Variants in H1-4 observed in about 807,000 individuals in gnomAD.
H1-4 encodes the protein H1.4 linker histone, cluster member.
A neutral mutation model predicts 7.2 loss-of-function variants in H1-4; 9 were observed. The ratio of observed to expected loss-of-function variants is 1.25; its 90% CI spans 0.75 to 2.18. The LOEUF is 2.18. H1-4 is among the 30% of genes most tolerant of loss of function. The pLI is 0.00. For synonymous variants in H1-4, 318 were observed against 126.6 expected (o/e 2.51, Z -10.15); for missense variants, 646 against 287.9 (o/e 2.24, Z -9.00).
In H1-4 at chr6:26,156,601, T is replaced by A. The variant is rs541347553; in HGVS notation, c.211T>A (p.Tyr71Asn). 1 of 1,614,048 alleles carries A rather than the reference T, an allele frequency of 6.2e-7. No individual in the cohort carries two copies. The highest frequency in any genetic ancestry group is 1.3e-5 in the African/African-American group (1 of 74,936). ...CAAGAAAGCGCTGGCAGCCGCTGGC[T>A]ATGACGTGGAGAAGAACAACAGCCG... ...ALKKALAAAG[Y>N]DVEKNNSRIK... The change falls in exon 1 of 1, where the codon TAT becomes AAT. Residue 71 changes from tyrosine to asparagine, a missense_variant. By Grantham distance (143) the Tyr-to-Asn change is moderately radical (BLOSUM62 -2). Coordinates refer to ENST00000304218, the MANE Select transcript of H1-4 (RefSeq NM_005321.3).
rs1764210078 is a variant in H1-4 at position 26,157,071 on chromosome 6, C to CT, written c.*23dup. 5 of 1,572,420 alleles carry CT rather than the reference C, an allele frequency of 3.2e-6. No individual in the cohort carries two copies. In the East Asian group the frequency reaches 6.7e-5, roughly 21 times the overall value. On this transcript the variant is annotated 3_prime_UTR_variant, in exon 1 of 1. Coordinates refer to ENST00000304218, the MANE Select transcript of H1-4 (RefSeq NM_005321.3). ...AGTAGAAAGTTCCTTTGGCCAACTG[C>CT]TTAGAAGCCCAACACAACCCAAAGG... is the stretch of plus-strand genomic sequence containing the variant.
rs771718049 is a variant in H1-4, at chr6:26,156,412, G to C, written c.22G>C (p.Ala8Pro). 2 of 1,589,022 alleles carry C rather than the reference G, an allele frequency of 1.3e-6. No individual in the cohort carries two copies. Among genetic ancestry groups the C allele is most frequent in the Non-Finnish European group, 8.6e-7 (1 of 1,167,276 alleles). ...CAACATGTCCGAGACTGCGCCTGCC[G>C]CGCCCGCTGCTCCGGCCCCTGCCGA... The part of the protein sequence containing the change: MSETAPA[A>P]PAAPAPAEKT... The change falls in exon 1 of 1, where the codon GCG becomes CCG. Residue 8 changes from alanine (A) to proline (P), a missense_variant. Physicochemically the swap from Ala to Pro is conservative, Grantham distance 27. Transcript: ENST00000304218.
chr6:26,156,938 A>C lies in H1-4; in HGVS notation c.548A>C (p.Lys183Thr), dbSNP rs577879962. The C allele has an allele frequency of 3.7e-6, 6 of 1,612,410 alleles. No individual in the cohort carries two copies. Among genetic ancestry groups the C allele is most frequent in the South Asian group, 2.2e-5 (2 of 91,032 alleles). The change falls in exon 1 of 1, where the codon AAG becomes ACG. Residue 183 changes from lysine (K) to threonine (T), a missense_variant. Transcript: ENST00000304218. ...AAGGCGAAAGCAGCCAAGCCAAAAA[A>C]GGCGCCCAAGAGCCCAGCGAAGGCC... ...PKKAKAAKPK[K>T]APKSPAKAKA... is the part of the protein sequence containing the mutation.
Position 26,156,951 on chromosome 6 carries a change from C to T in H1-4, c.561C>T (p.Ser187=), listed in dbSNP as rs563391037. 14 of 1,612,476 alleles carry T rather than the reference C, an allele frequency of 8.7e-6. No homozygotes were observed. The highest frequency in any genetic ancestry group is 1.1e-5 in the South Asian group (1 of 91,030). Residue 187 remains serine, a synonymous_variant, in exon 1 of 1, where the codon AGC becomes AGT. Coordinates refer to ENST00000304218, the MANE Select transcript of H1-4 (RefSeq NM_005321.3). ...CCAAGCCAAAAAAGGCGCCCAAGAG[C>T]CCAGCGAAGGCCAAAGCAGTTAAAC... ...KAAKPKKAPK[S]PAKAKAVKPK...
chr6:26,156,833 A>C lies in H1-4; in HGVS notation c.443A>C (p.Lys148Thr). The C allele has an allele frequency of 6.2e-7, 1 of 1,606,830 alleles. No individual in the cohort carries two copies. The highest frequency in any genetic ancestry group is 2.2e-5 in the East Asian group (1 of 44,604). Residue 148 changes from lysine to threonine, a missense_variant, in exon 1 of 1, where the codon AAG (lysine) becomes ACG (threonine). Lys to Thr is a moderately conservative substitution (Grantham distance 78). Coordinates refer to ENST00000304218, the MANE Select transcript of H1-4 (RefSeq NM_005321.3). ...PKKATGAATP[K>T]KSAKKTPKKA... ...AAGGCGACGGGGGCGGCCACCCCCA[A>C]GAAGAGCGCCAAGAAGACCCCAAAG...
In H1-4 at chr6:26,156,696, G is replaced by C. The variant is rs1764185082; in HGVS notation, c.306G>C (p.Ser102=). The change falls in exon 1 of 1, where the codon TCG becomes TCC. Residue 102 remains serine, a synonymous_variant. Transcript: ENST00000304218. ...TLVQTKGTGA[S]GSFKLNKKAA... ...TGCAGACCAAGGGCACCGGCGCGTCGGGTTCCTTCAAACTCAACAAGAAGG... is the reference window on the plus strand; with the variant it reads ...TGCAGACCAAGGGCACCGGCGCGTCCGGTTCCTTCAAACTCAACAAGAAGG... The C allele has an allele frequency of 6.2e-7, 1 of 1,614,072 alleles. No individual in the cohort carries two copies.
chr6:26,156,403 G>A lies in H1-4; in HGVS notation c.13G>A (p.Ala5Thr). Residue 5 changes from alanine (A) to threonine (T), a missense_variant, in exon 1 of 1, where the codon GCG becomes ACG. By Grantham distance (58) the Ala-to-Thr change is moderately conservative (BLOSUM62 0). Transcript: ENST00000304218. MSET[A>T]PAAPAAPAPA... ...GCTTGCCTTCAACATGTCCGAGACTGCGCCTGCCGCGCCCGCTGCTCCGGC... is the reference window on the plus strand; with the variant it reads ...GCTTGCCTTCAACATGTCCGAGACTACGCCTGCCGCGCCCGCTGCTCCGGC... The A allele has an allele frequency of 6.3e-7, 1 of 1,585,302 alleles. No homozygotes were observed. Among genetic ancestry groups the A allele is most frequent in the Non-Finnish European group, 8.6e-7 (1 of 1,165,820 alleles).
chr6:26,157,081 CA>C lies in H1-4; in HGVS notation c.*33del. 1 of 1,565,570 alleles carries C rather than the reference CA, an allele frequency of 6.4e-7. No individual in the cohort carries two copies. On this transcript the variant is annotated 3_prime_UTR_variant, in exon 1 of 1. Coordinates refer to ENST00000304218, the MANE Select transcript of H1-4 (RefSeq NM_005321.3). Reference sequence around the variant, plus strand: ...TCCTTTGGCCAACTGCTTAGAAGCCCAACACAACCCAAAGGCTCTTTTCAGA... The same window carrying C: ...TCCTTTGGCCAACTGCTTAGAAGCCCACACAACCCAAAGGCTCTTTTCAGA...
Position 26,156,784 on chromosome 6 carries a change from G to T in H1-4, c.394G>T (p.Ala132Ser). The change falls in exon 1 of 1, where the codon GCA becomes TCA. Residue 132 changes from alanine (A) to serine (S), a missense_variant. Coordinates refer to ENST00000304218, the MANE Select transcript of H1-4 (RefSeq NM_005321.3). The part of the protein sequence containing the change: ...KAGAAKAKKP[A>S]GAAKKPKKAT... ...AGGCGCGGCCAAGGCCAAGAAGCCAGCAGGAGCGGCGAAGAAGCCCAAGAA... is the reference window on the plus strand; with the variant it reads ...AGGCGCGGCCAAGGCCAAGAAGCCATCAGGAGCGGCGAAGAAGCCCAAGAA... 2 of 1,612,288 alleles carry T rather than the reference G, an allele frequency of 1.2e-6. No homozygotes were observed. Among genetic ancestry groups the T allele is most frequent in the Non-Finnish European group, 1.7e-6 (2 of 1,179,196 alleles).
Position 26,156,996 on chromosome 6 carries a change from G to T in H1-4, c.606G>T (p.Lys202Asn). ...TTAAACCCAAGGCGGCTAAACCAAA[G>T]ACCGCCAAGCCCAAGGCAGCCAAGC... is the stretch of plus-strand genomic sequence containing the variant. Reference protein sequence around the residue: ...KAVKPKAAKPKTAKPKAAKPK... With the variant: ...KAVKPKAAKPNTAKPKAAKPK... The change falls in exon 1 of 1, where the codon AAG (lysine) becomes AAT (asparagine). Residue 202 changes from lysine (K) to asparagine (N), a missense_variant. Lys to Asn is a moderately conservative substitution (Grantham distance 94). Coordinates refer to ENST00000304218, the MANE Select transcript of H1-4 (RefSeq NM_005321.3). 1 of 1,604,220 alleles carries T rather than the reference G, an allele frequency of 6.2e-7. No homozygotes were observed. The highest frequency in any genetic ancestry group is 8.5e-7 in the Non-Finnish European group (1 of 1,177,764).
chr6:26,156,657 C>T lies in H1-4; in HGVS notation c.267C>T (p.Ser89=), dbSNP rs773191858. ...RIKLGLKSLV[S]KGTLVQTKGT... ...AGCTGGGTCTCAAGAGCCTGGTGAGCAAGGGCACCCTGGTGCAGACCAAGG... is the reference window on the plus strand; with the variant it reads ...AGCTGGGTCTCAAGAGCCTGGTGAGTAAGGGCACCCTGGTGCAGACCAAGG... Residue 89 remains serine (S), a synonymous_variant, in exon 1 of 1, where the codon AGC becomes AGT. Coordinates refer to ENST00000304218, the MANE Select transcript of H1-4 (RefSeq NM_005321.3). 45 of 1,614,090 alleles carry T rather than the reference C, an allele frequency of 2.8e-5. No homozygotes were observed. The highest frequency in any genetic ancestry group is 3.3e-4 in the Middle Eastern group (2 of 6,080).
chr6:26,156,656 G>T lies in H1-4; in HGVS notation c.266G>T (p.Ser89Ile). 6.2e-7 allele frequency: 1 copy of T among 1,614,250 alleles called. No homozygotes were observed. The highest frequency in any genetic ancestry group is 8.5e-7 in the Non-Finnish European group (1 of 1,180,046). Residue 89 changes from serine (S) to isoleucine (I), a missense_variant, in exon 1 of 1, where the codon AGC becomes ATC. Coordinates refer to ENST00000304218, the MANE Select transcript of H1-4 (RefSeq NM_005321.3). ...AAGCTGGGTCTCAAGAGCCTGGTGA[G>T]CAAGGGCACCCTGGTGCAGACCAAG... Reference protein sequence around the residue: ...RIKLGLKSLVSKGTLVQTKGT... With the variant: ...RIKLGLKSLVIKGTLVQTKGT...
chr6:26,156,840 C>G lies in H1-4; in HGVS notation c.450C>G (p.Ser150Arg), dbSNP rs1426527690. Reference sequence around the variant, plus strand: ...CGGGGGCGGCCACCCCCAAGAAGAGCGCCAAGAAGACCCCAAAGAAGGCGA... The same window carrying G: ...CGGGGGCGGCCACCCCCAAGAAGAGGGCCAAGAAGACCCCAAAGAAGGCGA... ...KATGAATPKK[S>R]AKKTPKKAKK... Residue 150 changes from serine to arginine, a missense_variant, in exon 1 of 1, where the codon AGC (serine) becomes AGG (arginine). Physicochemically the swap from Ser to Arg is moderately radical, Grantham distance 110. Transcript: ENST00000304218. 1.9e-6 allele frequency: 3 copies of G among 1,606,118 alleles called. No homozygotes were observed. Among genetic ancestry groups the G allele is most frequent in the Non-Finnish European group, 2.5e-6 (3 of 1,176,902 alleles).
chr6:26,157,063 G>A lies in H1-4; in HGVS notation c.*13G>A. The A allele has an allele frequency of 6.3e-7, 1 of 1,577,352 alleles. No homozygotes were observed. Among genetic ancestry groups the A allele is most frequent in the Non-Finnish European group, 8.5e-7 (1 of 1,170,606 alleles). On this transcript the variant is annotated 3_prime_UTR_variant, in exon 1 of 1. Coordinates refer to ENST00000304218, the MANE Select transcript of H1-4 (RefSeq NM_005321.3). ...CAAGAAAAAGTAGAAAGTTCCTTTG[G>A]CCAACTGCTTAGAAGCCCAACACAA... is the stretch of plus-strand genomic sequence containing the variant.
chr6:26,157,104 C>T lies in H1-4; in HGVS notation c.*54C>T, dbSNP rs971353963. 7 of 1,543,070 alleles carry T rather than the reference C, an allele frequency of 4.5e-6. No homozygotes were observed. The African/African-American group carries it at 8.3e-5, about 18-fold the overall frequency. On this transcript the variant is annotated 3_prime_UTR_variant, in exon 1 of 1. Transcript: ENST00000304218. The stretch of plus-strand genomic sequence containing the variant: ...CCCAACACAACCCAAAGGCTCTTTT[C>T]AGAGCCACCCACCGCTCTCAGTAAA...
Position 26,156,743 on chromosome 6 carries a change from C to G in H1-4, c.353C>G (p.Pro118Arg), listed in dbSNP as rs201237564. The G allele has an allele frequency of 5.7e-5, 92 of 1,614,000 alleles. No individual in the cohort carries two copies. The highest frequency in any genetic ancestry group is 3.3e-4 in the Middle Eastern group (2 of 6,014). The part of the protein sequence containing the change: ...NKKAASGEAK[P>R]KAKKAGAAKA... ...AAGGCGGCCTCTGGGGAAGCCAAGC[C>G]TAAGGCTAAAAAGGCAGGCGCGGCC... The change falls in exon 1 of 1, where the codon CCT becomes CGT. Residue 118 changes from proline to arginine, a missense_variant. Pro to Arg is a moderately radical substitution (Grantham distance 103, BLOSUM62 -2). Transcript: ENST00000304218.
rs763754773 is a variant in H1-4, at chr6:26,156,585, G to C, written c.195G>C (p.Ala65=). Residue 65 remains alanine (A), a synonymous_variant, in exon 1 of 1, where the codon GCG becomes GCC. Transcript: ENST00000304218. ...SGVSLAALKK[A]LAAAGYDVEK... is the part of the protein sequence containing the mutation. ...TATCTTTGGCCGCTCTCAAGAAAGC[G>C]CTGGCAGCCGCTGGCTATGACGTGG... 6.2e-7 allele frequency: 1 copy of C among 1,614,196 alleles called. No individual in the cohort carries two copies.
At position 26,156,511 on chromosome 6, in the gene H1-4, T is replaced by G; in HGVS notation, c.121T>G (p.Ser41Ala). The part of the protein sequence containing the change: ...AKRKASGPPV[S>A]ELITKAVAAS... Reference sequence around the variant, plus strand: ...GCGCAAAGCGTCTGGGCCCCCGGTGTCCGAGCTCATTACTAAAGCTGTTGC... The same window carrying G: ...GCGCAAAGCGTCTGGGCCCCCGGTGGCCGAGCTCATTACTAAAGCTGTTGC... Residue 41 changes from serine (S) to alanine (A), a missense_variant, in exon 1 of 1, where the codon TCC becomes GCC. Ser to Ala is a moderately conservative substitution (Grantham distance 99). Coordinates refer to ENST00000304218, the MANE Select transcript of H1-4 (RefSeq NM_005321.3). 1 of 1,613,748 alleles carries G rather than the reference T, an allele frequency of 6.2e-7. No individual in the cohort carries two copies. Among genetic ancestry groups the G allele is most frequent in the Non-Finnish European group, 8.5e-7 (1 of 1,179,962 alleles).
rs1561966317 is a variant in H1-4, at chr6:26,157,023, A to G, written c.633A>G (p.Pro211=). ...CCGCCAAGCCCAAGGCAGCCAAGCC[A>G]AAGAAGGCGGCAGCCAAGAAAAAGT... The part of the protein sequence containing the change: ...PKTAKPKAAK[P]KKAAAKKK The change falls in exon 1 of 1, where the codon CCA becomes CCG. Residue 211 remains proline (P), a synonymous_variant. Coordinates refer to ENST00000304218, the MANE Select transcript of H1-4 (RefSeq NM_005321.3). 3.2e-6 allele frequency: 5 copies of G among 1,584,466 alleles called. No individual in the cohort carries two copies. Among genetic ancestry groups the G allele is most frequent in the Middle Eastern group, 1.7e-4 (1 of 5,720 alleles).
Sources: gnomAD v4.1 joint callset for allele counts on GRCh38, gnomAD v4.1.1 for gene constraint, MANE v1.5 for transcripts, NCBI Gene and HGNC (gene_info 2026-07-23, HGNC 2026-07-21) for gene names.